Variants in POU5F2 observed in about 807,000 individuals in gnomAD.
The protein encoded by POU5F2 is POU domain class 5, transcription factor 2, also known as POU domain, class 5, transcription factor 2.
For synonymous variants in POU5F2, 191 were observed against 178.7 expected (o/e 1.07, Z -0.55); for missense variants, 401 against 426.6 (o/e 0.94, Z 0.53).
rs2149612827 is a variant in POU5F2, at chr5:93,741,186, C to T, written c.378G>A (p.Leu126=). 1 of 1,613,916 alleles carries T rather than the reference C, an allele frequency of 6.2e-7. No homozygotes were observed. Among genetic ancestry groups the T allele is most frequent in the Non-Finnish European group, 8.5e-7 (1 of 1,179,880 alleles). The part of the protein sequence containing the change: ...PEDISGILKE[L]QQLAKELRQK... ...GCCTCAACTCCTTGGCCAATTGCTG[C>T]AACTCTTTCAGTATGCCCGAGATGT... Residue 126 remains leucine, a synonymous_variant, in exon 1 of 1, where the codon TTG becomes TTA. Transcript: ENST00000606183.
In POU5F2 at chr5:93,740,388, C is replaced by G; in HGVS notation, c.*189G>C. Reference sequence around the variant, plus strand: ...AGGGAAAACACAAAACTGCAATAAACTTCATCTTCTCTCCCAGGTTTTTCT... The same window carrying G: ...AGGGAAAACACAAAACTGCAATAAAGTTCATCTTCTCTCCCAGGTTTTTCT... On this transcript the variant is annotated 3_prime_UTR_variant, in exon 1 of 1. Coordinates refer to ENST00000606183, the MANE Select transcript of POU5F2 (RefSeq NM_153216.2). 41 of 575,518 alleles carry G rather than the reference C, an allele frequency of 7.1e-5. No homozygotes were observed. The highest frequency in any genetic ancestry group is 1.1e-4 in the Non-Finnish European group (37 of 338,520). The allele number at this position is 575,518 out of a possible 1,614,324, so 35.7% of individuals were successfully genotyped here.
rs1421696684 is a variant in POU5F2, at chr5:93,737,430, T to C, written c.*3147A>G. The C allele has an allele frequency of 1.3e-5, 2 of 152,092 alleles. No individual in the cohort carries two copies. Among genetic ancestry groups the C allele is most frequent in the African/African-American group, 4.8e-5 (2 of 41,434 alleles). 9.4% of individuals were successfully genotyped at this position (152,092 alleles called of 1,614,324 possible). On this transcript the variant is annotated 3_prime_UTR_variant, in exon 1 of 1. Transcript: ENST00000606183. ...GTGTTTTGGGCAGAAATGGAAAAAC[T>C]GATCCTAAAATTCCTATGAAATTTC...
In POU5F2 at chr5:93,736,210, C is replaced by A. The variant is rs17372057; in HGVS notation, c.*4367G>T. Reference sequence around the variant, plus strand: ...GATTCTATATTCTTGAGTAAATAAACTGGGAACTCAAGCTAATCTTATACA... The same window carrying A: ...GATTCTATATTCTTGAGTAAATAAAATGGGAACTCAAGCTAATCTTATACA... On this transcript the variant is annotated 3_prime_UTR_variant, in exon 1 of 1. Coordinates refer to ENST00000606183, the MANE Select transcript of POU5F2 (RefSeq NM_153216.2). 16,382 of 152,158 alleles carry A rather than the reference C, an allele frequency of 0.11. 1,019 individuals carry two copies. The highest frequency in any genetic ancestry group is 0.18 in the Middle Eastern group (53 of 294). 9.4% of individuals were successfully genotyped at this position (152,158 alleles called of 1,614,324 possible). A position where few individuals can be genotyped will look rare whatever the true frequency, so the allele number is the denominator to read the frequency against.
rs1173654014 is a variant in POU5F2 at position 93,739,140 on chromosome 5, A to G, written c.*1437T>C. The G allele has an allele frequency of 6.6e-6, 1 of 152,228 alleles. No individual in the cohort carries two copies. The highest frequency in any genetic ancestry group is 1.5e-5 in the Non-Finnish European group (1 of 68,090). 9.4% of individuals were successfully genotyped at this position (152,228 alleles called of 1,614,324 possible). On this transcript the variant is annotated 3_prime_UTR_variant, in exon 1 of 1. Coordinates refer to ENST00000606183, the MANE Select transcript of POU5F2 (RefSeq NM_153216.2). ...CTTGGTCTCCCAAAGTGCTGGGATTACAGGCATGAGCCACCATGCCCGGCC... is the reference window on the plus strand; with the variant it reads ...CTTGGTCTCCCAAAGTGCTGGGATTGCAGGCATGAGCCACCATGCCCGGCC...
Position 93,737,971 on chromosome 5 carries a change from G to A in POU5F2, c.*2606C>T, listed in dbSNP as rs565009887. The A allele has an allele frequency of 3.5e-5, 15 of 427,744 alleles. No individual in the cohort carries two copies. Among genetic ancestry groups the A allele is most frequent in the Admixed American group, 1.1e-4 (4 of 36,302 alleles). The allele number at this position is 427,744 out of a possible 1,614,324, so 26.5% of individuals were successfully genotyped here. A position where few individuals can be genotyped will look rare whatever the true frequency, so the allele number is the denominator to read the frequency against. On this transcript the variant is annotated 3_prime_UTR_variant, in exon 1 of 1. Coordinates refer to ENST00000606183, the MANE Select transcript of POU5F2 (RefSeq NM_153216.2). ...CAACAAAAGAAAAAATGGATAAGCT[G>A]GACTTAATAAAAATTAAAGTCTGTC...
Position 93,737,324 on chromosome 5 carries a change from G to A in POU5F2, c.*3253C>T, listed in dbSNP as rs1416658697. Reference sequence around the variant, plus strand: ...GAAAGACAGCCTGTGTTCATGGATTGGAAGACTTAAAATTGCTAAGATGAC... The same window carrying A: ...GAAAGACAGCCTGTGTTCATGGATTAGAAGACTTAAAATTGCTAAGATGAC... On this transcript the variant is annotated 3_prime_UTR_variant, in exon 1 of 1. Coordinates refer to ENST00000606183, the MANE Select transcript of POU5F2 (RefSeq NM_153216.2). 6.6e-6 allele frequency: 1 copy of A among 152,054 alleles called. No individual in the cohort carries two copies. The highest frequency in any genetic ancestry group is 1.5e-5 in the Non-Finnish European group (1 of 68,002). 9.4% of individuals were successfully genotyped at this position (152,054 alleles called of 1,614,324 possible).
chr5:93,740,793 C>T, the POU5F2 span: 1 of 1,612,784 alleles, frequency 6.2e-7, no homozygotes, highest in Non-Finnish European at 8.5e-7. Flanking sequence ...GGTTATAGAA[C>T]CAAACTCGAA....
Position 93,741,248 on chromosome 5 carries a change from C to T in POU5F2, c.316G>A (p.Ala106Thr). The change falls in exon 1 of 1, where the codon GCC becomes ACC. Residue 106 changes from alanine (A) to threonine (T), a missense_variant. Ala to Thr is a moderately conservative substitution (Grantham distance 58). Transcript: ENST00000606183. ...GGCAACTTCGGAATGCTCCGCAGGG[C>T]AATGTAGGGCCCCGGGAGGGCGCCT... The part of the protein sequence containing the change: ...SEGALPGPYI[A>T]LRSIPKLPPP... The T allele has an allele frequency of 6.2e-7, 1 of 1,613,954 alleles. No individual in the cohort carries two copies. Among genetic ancestry groups the T allele is most frequent in the Admixed American group, 1.7e-5 (1 of 60,028 alleles).
chr5:93,741,219 C>A lies in POU5F2; in HGVS notation c.345G>T (p.Pro115=), dbSNP rs376341807. The A allele has an allele frequency of 6.8e-6, 11 of 1,613,822 alleles. No individual in the cohort carries two copies. Among genetic ancestry groups the A allele is most frequent in the Non-Finnish European group, 1.7e-6 (2 of 1,179,884 alleles). ...TCAGTATGCCCGAGATGTCCTCTGG[C>A]GGCGGCAACTTCGGAATGCTCCGCA... ...IALRSIPKLP[P]PEDISGILKE... The change falls in exon 1 of 1, where the codon CCG becomes CCT. Residue 115 remains proline (P), a synonymous_variant. Coordinates refer to ENST00000606183, the MANE Select transcript of POU5F2 (RefSeq NM_153216.2).
rs1394877055 is a variant in POU5F2, at chr5:93,735,567, G to C, written c.*5010C>G. On this transcript the variant is annotated 3_prime_UTR_variant, in exon 1 of 1. Coordinates refer to ENST00000606183, the MANE Select transcript of POU5F2 (RefSeq NM_153216.2). ...AGTTGTTTATTCTGGCATTCAACAT[G>C]GTCTGACTCTGCTGAAACATCTCCT... 1.3e-5 allele frequency: 2 copies of C among 152,138 alleles called. No homozygotes were observed. Among genetic ancestry groups the C allele is most frequent in the Non-Finnish European group, 2.9e-5 (2 of 68,054 alleles). 9.4% of individuals were successfully genotyped at this position (152,138 alleles called of 1,614,324 possible). A position where few individuals can be genotyped will look rare whatever the true frequency, so the allele number is the denominator to read the frequency against.
chr5:93,735,533 C>A lies in POU5F2; in HGVS notation c.*5044G>T, dbSNP rs1330031549. The A allele has an allele frequency of 6.6e-6, 1 of 152,214 alleles. No individual in the cohort carries two copies. The highest frequency in any genetic ancestry group is 2.4e-5 in the African/African-American group (1 of 41,456). The allele number at this position is 152,214 out of a possible 1,614,324, so 9.4% of individuals were successfully genotyped here. A position where few individuals can be genotyped will look rare whatever the true frequency, so the allele number is the denominator to read the frequency against. On this transcript the variant is annotated 3_prime_UTR_variant, in exon 1 of 1. Transcript: ENST00000606183. ...CTCTTTACAGCTCTTATGTTCACAA[C>A]ACAATCAGAGTTGTTTATTCTGGCA...
At position 93,736,957 on chromosome 5, in the gene POU5F2, AAGTG is replaced by A. The variant is rs1196702300; in HGVS notation, c.*3616_*3619del. On this transcript the variant is annotated 3_prime_UTR_variant, in exon 1 of 1. Coordinates refer to ENST00000606183, the MANE Select transcript of POU5F2 (RefSeq NM_153216.2). ...CAGTACTACACATTTTTGCCAGAGC[AAGTG>A]AGTAAGAAAAAGAAAGGGTATCCAA... 4 of 152,230 alleles carry A rather than the reference AAGTG, an allele frequency of 2.6e-5. No individual in the cohort carries two copies. Among genetic ancestry groups the A allele is most frequent in the Non-Finnish European group, 2.9e-5 (2 of 68,028 alleles). The allele number at this position is 152,230 out of a possible 1,614,324, so 9.4% of individuals were successfully genotyped here.
chr5:93,736,816 A>G lies in POU5F2; in HGVS notation c.*3761T>C, dbSNP rs762724511. Reference sequence around the variant, plus strand: ...AAAAAGGAACTTCCTCAACATGTAGAGTACGTATGAAAAAGCCAGAGCTAA... The same window carrying G: ...AAAAAGGAACTTCCTCAACATGTAGGGTACGTATGAAAAAGCCAGAGCTAA... On this transcript the variant is annotated 3_prime_UTR_variant, in exon 1 of 1. Transcript: ENST00000606183. The G allele has an allele frequency of 6.6e-6, 1 of 152,218 alleles. No individual in the cohort carries two copies. Among genetic ancestry groups the G allele is most frequent in the Non-Finnish European group, 1.5e-5 (1 of 68,026 alleles). 9.4% of individuals were successfully genotyped at this position (152,218 alleles called of 1,614,324 possible).
In POU5F2 at chr5:93,736,759, C is replaced by A. The variant is rs1377369720; in HGVS notation, c.*3818G>T. 2.0e-5 allele frequency: 3 copies of A among 152,090 alleles called. No individual in the cohort carries two copies. Among genetic ancestry groups the A allele is most frequent in the Non-Finnish European group, 4.4e-5 (3 of 68,016 alleles). 9.4% of individuals were successfully genotyped at this position (152,090 alleles called of 1,614,324 possible). On this transcript the variant is annotated 3_prime_UTR_variant, in exon 1 of 1. Transcript: ENST00000606183. ...CCAGAGAAACTGTCAAAAACCCATA[C>A]CCTCGCATATAAAACATTCAATAAC...
In POU5F2 at chr5:93,740,782, C is replaced by T. The variant is rs749327291; in HGVS notation, c.782G>A (p.Arg261His). ...GGTTGGTCGACTGCCCATCTTGCTG[C>T]GGTTATAGAACCAAACTCGAACCAC... ...KDVVRVWFYN[R>H]SKMGSRPTND... The change falls in exon 1 of 1, where the codon CGC (arginine) becomes CAC (histidine). Residue 261 changes from arginine to histidine, a missense_variant. Physicochemically the swap from Arg to His is conservative, Grantham distance 29. Coordinates refer to ENST00000606183, the MANE Select transcript of POU5F2 (RefSeq NM_153216.2). 5 of 1,612,312 alleles carry T rather than the reference C, an allele frequency of 3.1e-6. No individual in the cohort carries two copies. The highest frequency in any genetic ancestry group is 4.2e-6 in the Non-Finnish European group (5 of 1,179,004).
In POU5F2 at chr5:93,734,500, C is replaced by G. The variant is rs1162401101; in HGVS notation, c.*6077G>C. ...TCTTTAAAGAAAATGCACATATGTA[C>G]AAAAACATTATTCTGCTTATACTCT... On this transcript the variant is annotated 3_prime_UTR_variant, in exon 1 of 1. Transcript: ENST00000606183. The G allele has an allele frequency of 6.6e-6, 1 of 152,090 alleles. No individual in the cohort carries two copies. The highest frequency in any genetic ancestry group is 6.5e-5 in the Admixed American group (1 of 15,270). 9.4% of individuals were successfully genotyped at this position (152,090 alleles called of 1,614,324 possible). A position where few individuals can be genotyped will look rare whatever the true frequency, so the allele number is the denominator to read the frequency against.
chr5:93,737,761 T>C lies in POU5F2; in HGVS notation c.*2816A>G, dbSNP rs1220625710. 2 of 329,340 alleles carry C rather than the reference T, an allele frequency of 6.1e-6. No individual in the cohort carries two copies. The highest frequency in any genetic ancestry group is 4.4e-5 in the African/African-American group (2 of 45,228). The allele number at this position is 329,340 out of a possible 1,614,324, so 20.4% of individuals were successfully genotyped here. On this transcript the variant is annotated 3_prime_UTR_variant, in exon 1 of 1. Coordinates refer to ENST00000606183, the MANE Select transcript of POU5F2 (RefSeq NM_153216.2). ...GAAAGAACATCTCCTCAACAAATGG[T>C]GCTGGGAAAACTGGCTATCCACATG... is the stretch of plus-strand genomic sequence containing the variant.
chr5:93,739,098 C>A lies in POU5F2; in HGVS notation c.*1479G>T, dbSNP rs10036024. ...TCAGAGTTAACTCTCGATCTCTTGA[C>A]CTTGTGATCTGCCTGCCTTGGTCTC... On this transcript the variant is annotated 3_prime_UTR_variant, in exon 1 of 1. Coordinates refer to ENST00000606183, the MANE Select transcript of POU5F2 (RefSeq NM_153216.2). 12,576 of 152,158 alleles carry A rather than the reference C, an allele frequency of 0.083. 756 individuals are homozygous for A. The highest frequency in any genetic ancestry group is 0.17 in the Middle Eastern group (49 of 294). 9.4% of individuals were successfully genotyped at this position (152,158 alleles called of 1,614,324 possible).
At position 93,734,266 on chromosome 5, in the gene POU5F2, T is replaced by G. The variant is rs1038135877; in HGVS notation, c.*6311A>C. The stretch of plus-strand genomic sequence containing the variant: ...CTGAACTTACAAGACTTATGTAAAA[T>G]GCAACTCAGGGCCTTCATATGACAC... On this transcript the variant is annotated 3_prime_UTR_variant, in exon 1 of 1. Coordinates refer to ENST00000606183, the MANE Select transcript of POU5F2 (RefSeq NM_153216.2). 1 of 152,146 alleles carries G rather than the reference T, an allele frequency of 6.6e-6. No homozygotes were observed. Among genetic ancestry groups the G allele is most frequent in the African/African-American group, 2.4e-5 (1 of 41,446 alleles). The allele number at this position is 152,146 out of a possible 1,614,324, so 9.4% of individuals were successfully genotyped here.
Sources: gnomAD v4.1 joint callset for allele counts on GRCh38, gnomAD v4.1.1 for gene constraint, MANE v1.5 for transcripts, NCBI Gene and HGNC (gene_info 2026-07-23, HGNC 2026-07-21) for gene names.